Variants in RABEP1 observed in about 807,000 individuals in gnomAD.
RABEP1 encodes rab GTPase-binding effector protein 1.
RABEP1 carries 51 observed loss-of-function variants against 123.4 expected under a neutral mutation model. That is an observed-to-expected ratio of 0.41 (90% CI 0.33 to 0.52). RABEP1 has a LOEUF of 0.52. Ranked by LOEUF, RABEP1 falls within the 20% of genes least tolerant of loss-of-function variation. RABEP1 has a pLI of 0.16. For missense variants in RABEP1, 888 were observed against 996.3 expected, an observed-to-expected ratio of 0.89 and a Z score of 1.46; for synonymous variants, 347 against 355.2, an observed-to-expected ratio of 0.98 and a Z score of 0.26.
At chr17:5,324,312 AG>A (rs1905747095) in intron 2 of RABEP1, among the ~76,000 whole-genome samples, 7 of 152,220 alleles carry the variant, frequency 4.6e-5, no homozygotes, top group Admixed American at 4.6e-4. Context: ...TCTGCAACAA[AG>A]GCACCAAGAA....
At chr17:5,330,775 C>T (rs531561533) in intron 2 of RABEP1, among the ~76,000 whole-genome samples, 25 of 152,104 alleles carry the variant, frequency 1.6e-4, no homozygotes, top group South Asian at 6.2e-4. Flanking sequence ...GTAATCCCAA[C>T]GCTTTGGGAG....
chr17:5,317,084 A>G (rs2075305721), intron 2 of RABEP1, among the ~76,000 whole-genome samples: 1 of 151,926 alleles, frequency 6.6e-6, no homozygotes, highest in Non-Finnish European at 1.5e-5. Flanking sequence ...TTTGGAGGAG[A>G]CACATCCCCA....
intron 3 of RABEP1, among the ~76,000 whole-genome samples, chr17:5,333,755 C>T (rs1906785178): frequency 6.6e-6 from 1 of 152,178 alleles, no homozygotes; most frequent in Non-Finnish European, 1.5e-5. Context: ...CAAACTCCTT[C>T]AGCCCTTCTG....
intron 10 of RABEP1, among the ~76,000 whole-genome samples, 192 bp from the exon 11 acceptor site, chr17:5,364,930 T>C (rs1223909651): frequency 6.6e-6 from 1 of 152,108 alleles, no homozygotes; most frequent in South Asian, 2.1e-4. Flanking sequence ...GAAAAATGAT[T>C]TGTTAACTGT....
At chr17:5,359,475 T>G (rs1909320433) in intron 8 of RABEP1, among the ~76,000 whole-genome samples, 1 of 152,194 alleles carries the variant, frequency 6.6e-6, no homozygotes, top group South Asian at 2.1e-4. Flanking sequence ...CAGTGGGTGT[T>G]AGGGTTATTT....
chr17:5,322,032 C>G (rs1425869549), intron 2 of RABEP1, among the ~76,000 whole-genome samples: 2 of 152,178 alleles, frequency 1.3e-5, no homozygotes, highest in Admixed American at 6.5e-5. Flanking sequence ...AACCCCATCT[C>G]TACTAGAAAT....
chr17:5,382,253 T>G (rs1035251238), intron 17 of RABEP1, among the ~76,000 whole-genome samples: 6 of 151,542 alleles, frequency 4.0e-5, no homozygotes, highest in Non-Finnish European at 5.9e-5. Context: ...AGCTAATTTT[T>G]GTATTTTTAG....
At chr17:5,378,124 G>T (rs2144729007) in intron 14 of RABEP1, 53 bp from the exon 15 acceptor site, 2 of 1,403,494 alleles carry the variant, frequency 1.4e-6, no homozygotes. Flanking sequence ...AGAAAAAAAT[G>T]TTCATGCACA....
intron 1 of RABEP1, among the ~76,000 whole-genome samples, chr17:5,286,873 G>A (rs1001387713): frequency 6.6e-6 from 1 of 152,180 alleles, no homozygotes; most frequent in African/African-American, 2.4e-5. Context: ...AAGGGAAGGG[G>A]GTGGGGCTGG....
chr17:5,361,665 T>G lies in RABEP1; in HGVS notation c.1553T>G (p.Leu518Trp). 1 of 1,602,878 alleles carries G rather than the reference T, an allele frequency of 6.2e-7. No individual in the cohort carries two copies. Among genetic ancestry groups the G allele is most frequent in the Non-Finnish European group, 8.5e-7 (1 of 1,174,998 alleles). The change falls in exon 9 of 18, where the codon TTG (leucine) becomes TGG (tryptophan). Residue 518 changes from leucine (L) to tryptophan (W), a missense_variant. By Grantham distance (61) the Leu-to-Trp change is moderately conservative. Transcript: ENST00000537505. Reference protein sequence around the residue: ...RLVSETEWNLLQKEVHNAGNK... With the variant: ...RLVSETEWNLWQKEVHNAGNK... ...GTTAGTGAAACAGAATGGAATCTCT[T>G]GCAGAAAGAGGTGAGTTACCTTTCT... is the stretch of plus-strand genomic sequence containing the variant.
intron 1 of RABEP1, among the ~76,000 whole-genome samples, chr17:5,293,655 C>T (rs916519375): frequency 1.3e-5 from 2 of 152,166 alleles, no homozygotes; most frequent in Non-Finnish European, 2.9e-5. Context: ...GATCCACCTG[C>T]CTCAGTTTCC....
intron 6 of RABEP1, among the ~76,000 whole-genome samples, chr17:5,349,707 A>T (rs189112008): frequency 9.2e-5 from 14 of 152,076 alleles, no homozygotes; most frequent in Admixed American, 8.5e-4. Flanking sequence ...TTTGAGTTGT[A>T]CTGTGAAAAG....
chr17:5,297,987 C>G (rs1387031506), intron 1 of RABEP1, among the ~76,000 whole-genome samples: 1 of 152,212 alleles, frequency 6.6e-6, no homozygotes, highest in African/African-American at 2.4e-5. Context: ...TCTCTTTCCT[C>G]TTGGTTCTTG....
At chr17:5,361,768 G>A in intron 9 of RABEP1, 93 bp downstream of exon 9, 1 of 1,099,110 alleles carries the variant, frequency 9.1e-7, no homozygotes, top group Non-Finnish European at 1.3e-6. Flanking sequence ...ACGGTTCCTG[G>A]AGTCAGTGCA....
Position 5,384,265 on chromosome 17 carries a change from C to T in RABEP1, c.*1042C>T, listed in dbSNP as rs75763763. On this transcript the variant is annotated 3_prime_UTR_variant, in exon 18 of 18. Coordinates refer to ENST00000537505, the MANE Select transcript of RABEP1 (RefSeq NM_004703.6). Reference sequence around the variant, plus strand: ...ATTGGAAATCTGTCTTGTCATTTTACAAGCATTAGATTCCTTTCCTGTGTG... The same window carrying T: ...ATTGGAAATCTGTCTTGTCATTTTATAAGCATTAGATTCCTTTCCTGTGTG... The T allele has an allele frequency of 9.2e-3, 1,967 of 213,896 alleles. 128 individuals are homozygous for T. The East Asian group carries it at 0.13, about 14-fold the overall frequency. 13.2% of individuals were successfully genotyped at this position (213,896 alleles called of 1,614,324 possible).
intron 7 of RABEP1, among the ~76,000 whole-genome samples, chr17:5,351,725 C>T (rs938514439): frequency 7.2e-5 from 11 of 152,058 alleles, no homozygotes; most frequent in African/African-American, 2.2e-4. Context: ...TCACTTGATC[C>T]GGGAGGCGGA....
At chr17:5,350,244 G>A (rs1421955831) in intron 6 of RABEP1, among the ~76,000 whole-genome samples, 2 of 152,132 alleles carry the variant, frequency 1.3e-5, no homozygotes, top group Non-Finnish European at 2.9e-5. Context: ...GCCGGGCATG[G>A]TGGCAGGCGC....
chr17:5,327,446 T>C (rs1490412194), intron 2 of RABEP1, among the ~76,000 whole-genome samples: 1 of 152,146 alleles, frequency 6.6e-6, no homozygotes, highest in Admixed American at 6.5e-5. Flanking sequence ...CATGGCTAGA[T>C]GTCACTAGGC....
intron 5 of RABEP1, 42 bp downstream of exon 5, chr17:5,338,180 C>G: frequency 6.3e-7 from 1 of 1,576,016 alleles, no homozygotes; most frequent in Non-Finnish European, 8.6e-7. Flanking sequence ...ACCCAAGTTT[C>G]TGCCCCAATG....
Sources: gnomAD v4.1 joint callset for allele counts (sites outside exome capture counted in the v4.1 genomes callset) on GRCh38, gnomAD v4.1.1 for gene constraint, MANE v1.5 for transcripts, NCBI Gene and HGNC (gene_info 2026-07-23, HGNC 2026-07-21) for gene names.